Variants in TECTA observed in about 807,000 individuals in gnomAD.
The protein encoded by TECTA is tectorin alpha, also known as alpha-tectorin.
A neutral mutation model predicts 216.8 loss-of-function variants in TECTA; 128 were observed. The ratio of observed to expected loss-of-function variants is 0.59; its 90% CI spans 0.51 to 0.68. The LOEUF (loss-of-function observed/expected upper bound fraction) is 0.68. Ranked by LOEUF, TECTA falls within the 30% of genes least tolerant of loss-of-function variation. The pLI, the probability that TECTA is intolerant of heterozygous loss-of-function variation, is 0.00. For missense variants in TECTA, 2,551 were observed against 2,786.2 expected, an observed-to-expected ratio of 0.92 and a Z score of 1.90; for synonymous variants, 1,089 against 1,117.1, an observed-to-expected ratio of 0.97 and a Z score of 0.50.
intron 20 of TECTA, among the ~76,000 whole-genome samples, chr11:121,174,778 C>T (rs1034460116): frequency 1.3e-5 from 2 of 152,118 alleles, no homozygotes; most frequent in African/African-American, 4.8e-5. Context: ...ACCAGTTCCT[C>T]CTTGTACCTC....
intron 12 of TECTA, 145 bp from the exon 13 acceptor site, chr11:121,152,736 C>T (rs1489810846): frequency 6.6e-6 from 5 of 755,660 alleles, no homozygotes; most frequent in Non-Finnish European, 1.1e-5. Context: ...GCAAAGAGGG[C>T]AGTAATGAAG....
intron 7 of TECTA, among the ~76,000 whole-genome samples, chr11:121,122,476 A>C (rs1320527663): frequency 6.6e-6 from 1 of 152,116 alleles, no homozygotes. Flanking sequence ...TTGCTCTAGC[A>C]GCCCAAACAG....
chr11:121,122,200 A>G (rs552175414), intron 7 of TECTA, among the ~76,000 whole-genome samples: 1 of 152,284 alleles, frequency 6.6e-6, no homozygotes, highest in South Asian at 2.1e-4. Context: ...AGGTGATGGT[A>G]TAAGGAGGTG....
intron 20 of TECTA, among the ~76,000 whole-genome samples, chr11:121,175,740 G>A (rs1947159205): frequency 6.6e-6 from 1 of 152,104 alleles, no homozygotes; most frequent in South Asian, 2.1e-4. Context: ...CAATTCCTAG[G>A]TATCCTTGTT....
At chr11:121,139,596 C>G (rs974178941) in intron 11 of TECTA, among the ~76,000 whole-genome samples, 1 of 151,830 alleles carries the variant, frequency 6.6e-6, no homozygotes, top group Non-Finnish European at 1.5e-5. Flanking sequence ...GAGGCTGAGA[C>G]AGAGAATTGC....
rs138672346 is a variant in TECTA at position 121,131,563 on chromosome 11, A to G, written c.2941+1352A>G. Among the ~76,000 whole-genome samples, 412 of 152,340 alleles carry G rather than the reference A, an allele frequency of 2.7e-3. 1 individual carries two copies. Among genetic ancestry groups the G allele is most frequent in the Non-Finnish European group, 4.7e-3 (317 of 68,034 alleles). Reference sequence around the variant, plus strand: ...AAATCAGGATATTGCCATTGATACAATACTATTATGTAATCTGAAGACCAT... The same window carrying G: ...AAATCAGGATATTGCCATTGATACAGTACTATTATGTAATCTGAAGACCAT... On this transcript the variant is annotated intron_variant, in intron 10 of 23. Coordinates refer to ENST00000392793, the MANE Select transcript of TECTA (RefSeq NM_005422.4).
At chr11:121,151,771 C>G (rs1470581951) in intron 12 of TECTA, among the ~76,000 whole-genome samples, 2 of 152,108 alleles carry the variant, frequency 1.3e-5, no homozygotes, top group Non-Finnish European at 2.9e-5. Context: ...ACTGTGTACT[C>G]TAAAAGTAGG....
At chr11:121,175,888 A>T (rs1423495375) in intron 20 of TECTA, among the ~76,000 whole-genome samples, 1 of 152,290 alleles carries the variant, frequency 6.6e-6, no homozygotes, top group East Asian at 1.9e-4. Context: ...TTGGGTGCAT[A>T]TGTATTTAGG....
intron 20 of TECTA, among the ~76,000 whole-genome samples, chr11:121,178,517 AGTGTGTGTGTGTGT>A (rs3222565): frequency 1.6e-4 from 21 of 127,274 alleles, no homozygotes; most frequent in East Asian, 7.0e-4. Flanking sequence ...GCTTGTAGTT[AGTGTGTGTGTGTGT>A]GTGTGTGTGT....
intron 20 of TECTA, among the ~76,000 whole-genome samples, chr11:121,183,679 A>C (rs1947253812): frequency 6.6e-6 from 1 of 152,174 alleles, no homozygotes; most frequent in African/African-American, 2.4e-5. Context: ...GTGAGCTGAG[A>C]TCTCACCACT....
At chr11:121,188,094 TC>T in intron 21 of TECTA, 100 bp downstream of exon 21, 1 of 1,305,448 alleles carries the variant, frequency 7.7e-7, no homozygotes, top group Non-Finnish European at 1.1e-6. Flanking sequence ...ACTGGAATCA[TC>T]CATAGATGCT....
chr11:121,181,256 A>G (rs1947226093), intron 20 of TECTA, among the ~76,000 whole-genome samples: 1 of 152,138 alleles, frequency 6.6e-6, no homozygotes, highest in African/African-American at 2.4e-5. Flanking sequence ...CTTCAGTTCC[A>G]AAATTTCTGT....
rs146193439 is a variant in TECTA, at chr11:121,105,361, C to T, written c.65-470C>T. Among the ~76,000 whole-genome samples, 201 of 152,362 alleles carry T rather than the reference C, an allele frequency of 1.3e-3. No homozygotes were observed. The highest frequency in any genetic ancestry group is 2.3e-3 in the Non-Finnish European group (155 of 68,032). ...CTCAGTTCCCACTGTTGTTTATTTC[C>T]TTCTGGGATCTGGGATTTTCTCCAA... On this transcript the variant is annotated intron_variant, in intron 2 of 23. Transcript: ENST00000392793. This position sits in a 1 kb window ranked among gnomAD's most constrained non-coding sequence, Gnocchi z 5.3.
Position 121,109,387 on chromosome 11 carries a change from C to A in TECTA, c.375C>A (p.Ala125=). ...TGGAGCCTGCCATCTTGAAAAGAGCCACCAAGGACATCAGGAAGTACTTCA... is the reference window on the plus strand; with the variant it reads ...TGGAGCCTGCCATCTTGAAAAGAGCAACCAAGGACATCAGGAAGTACTTCA... ...ETMEPAILKR[A]TKDIRKYFKD... Residue 125 remains alanine, a synonymous_variant, in exon 4 of 24, where the codon GCC becomes GCA. Transcript: ENST00000392793. The A allele has an allele frequency of 6.2e-7, 1 of 1,614,188 alleles. No individual in the cohort carries two copies. Among genetic ancestry groups the A allele is most frequent in the Non-Finnish European group, 8.5e-7 (1 of 1,180,032 alleles).
intron 20 of TECTA, among the ~76,000 whole-genome samples, chr11:121,175,546 G>A (rs1038531218): frequency 3.3e-5 from 5 of 152,090 alleles, no homozygotes; most frequent in African/African-American, 1.2e-4. Context: ...ATTGCATTGT[G>A]GTCTGAGAGA....
At position 121,123,767 on chromosome 11, in the gene TECTA, A is replaced by G. The variant is rs992644067; in HGVS notation, c.1204-1535A>G. Among the ~76,000 whole-genome samples the G allele has an allele frequency of 3.9e-5, 6 of 152,210 alleles. No homozygotes were observed. In the South Asian group the frequency reaches 1.0e-3, roughly 26 times the overall value. ...GTTTTAAACACTCCCTGGGCTCTCC[A>G]TCTTGCTCAGAGTCAAAGCCAAAGT... is the stretch of plus-strand genomic sequence containing the variant. On this transcript the variant is annotated intron_variant, in intron 7 of 23. Coordinates refer to ENST00000392793, the MANE Select transcript of TECTA (RefSeq NM_005422.4).
chr11:121,130,194 G>A lies in TECTA; in HGVS notation c.2924G>A (p.Arg975Gln), dbSNP rs763251348. 11 of 1,600,870 alleles carry A rather than the reference G, an allele frequency of 6.9e-6. No individual in the cohort carries two copies. The Middle Eastern group carries it at 5.0e-4, about 72-fold the overall frequency. Residue 975 changes from arginine (R) to glutamine (Q), a missense_variant, in exon 10 of 24, where the codon CGG (arginine) becomes CAG (glutamine). By Grantham distance (43) the Arg-to-Gln change is conservative. Coordinates refer to ENST00000392793, the MANE Select transcript of TECTA (RefSeq NM_005422.4). ...GCGGACGTGGAGGTGGGGCCCTGGCGGACCTATGACTTCTGCCGTAAGTTG... is the reference window on the plus strand; with the variant it reads ...GCGGACGTGGAGGTGGGGCCCTGGCAGACCTATGACTTCTGCCGTAAGTTG... Reference protein sequence around the residue: ...KNADVEVGPWRTYDFCPLECP... With the variant: ...KNADVEVGPWQTYDFCPLECP...
rs1432777088 is a variant in TECTA at position 121,127,704 on chromosome 11, C to G, written c.1775-48C>G. On this transcript the variant is annotated intron_variant, in intron 8 of 23. Coordinates refer to ENST00000392793, the MANE Select transcript of TECTA (RefSeq NM_005422.4). The surrounding 1 kb of genome is among the most constrained non-coding windows in gnomAD (Gnocchi z 5.0). ...GTTAAGATTCTGGCGGGTTAGCACT[C>G]CGGGTCCATTCACCTTGTTATCGGC... is the stretch of plus-strand genomic sequence containing the variant. 6.2e-7 allele frequency: 1 copy of G among 1,605,758 alleles called. No individual in the cohort carries two copies. Among genetic ancestry groups the G allele is most frequent in the East Asian group, 2.2e-5 (1 of 44,844 alleles).
Position 121,125,343 on chromosome 11 carries a change from G to A in TECTA, c.1245G>A (p.Leu415=), listed in dbSNP as rs776285344. Residue 415 remains leucine, a synonymous_variant, in exon 8 of 24, where the codon TTG becomes TTA. Coordinates refer to ENST00000392793, the MANE Select transcript of TECTA (RefSeq NM_005422.4). ...CTTCTTTGCCTGTCACCTTAGACTTGGGGACAGTGAAAATCTACCAGAGTG... is the reference window on the plus strand; with the variant it reads ...CTTCTTTGCCTGTCACCTTAGACTTAGGGACAGTGAAAATCTACCAGAGTG... ...LVTSLPVTLD[L]GTVKIYQSGI... is the part of the protein sequence containing the mutation. 1.2e-6 allele frequency: 2 copies of A among 1,614,040 alleles called. No individual in the cohort carries two copies. The highest frequency in any genetic ancestry group is 4.5e-5 in the East Asian group (2 of 44,892).
Sources: gnomAD v4.1 joint callset for allele counts (sites outside exome capture counted in the v4.1 genomes callset) on GRCh38, gnomAD v4.1.1 for gene constraint, Gnocchi (gnomAD v3.1) non-coding constraint, MANE v1.5 for transcripts, NCBI Gene and HGNC (gene_info 2026-07-23, HGNC 2026-07-21) for gene names.